RNFT2: variants seen among roughly 807,000 people sequenced by gnomAD.
RNFT2 encodes E3 ubiquitin-protein ligase RNFT2.
RNFT2 carries 36 observed loss-of-function variants against 53.0 expected under a neutral mutation model. That is an observed-to-expected ratio of 0.68 (90% CI 0.52 to 0.90). RNFT2 has a LOEUF of 0.90. Among genes scored for constraint, RNFT2 ranks in the 40% least tolerant of loss-of-function variants. The pLI, the probability that RNFT2 is intolerant of heterozygous loss-of-function variation, is 0.00. For missense variants in RNFT2, 514 were observed against 585.6 expected (o/e 0.88, Z 1.26); for synonymous variants, 260 against 253.2 (o/e 1.03, Z -0.26).
At chr12:116,845,462 G>A (rs1877564035) in intron 10 of RNFT2, among the ~76,000 whole-genome samples, 1 of 151,968 alleles carries the variant, frequency 6.6e-6, no homozygotes, top group Non-Finnish European at 1.5e-5. Flanking sequence ...ATAAAACAGG[G>A]GAGACATGAT....
chr12:116,835,919 T>A, intron 8 of RNFT2, 41 bp from the exon 9 acceptor site: 1 of 1,611,176 alleles, frequency 6.2e-7, no homozygotes, highest in Non-Finnish European at 8.5e-7. Flanking sequence ...TCACGAGTGA[T>A]CCTTGGGTAC....
intron 7 of RNFT2, among the ~76,000 whole-genome samples, chr12:116,797,197 GC>G (rs1190411676): frequency 6.6e-6 from 1 of 152,140 alleles, no homozygotes; most frequent in Non-Finnish European, 1.5e-5. Flanking sequence ...ACTGAACTGT[GC>G]CCCCCAAAAT....
rs1444628749 is a variant in RNFT2 at position 116,750,825 on chromosome 12, ATATAATATATATAT to A, written c.550+523_550+536del. Among the ~76,000 whole-genome samples, 32 of 3,316 alleles carry A rather than the reference ATATAATATATATAT, an allele frequency of 9.7e-3. 1 individual carries two copies. The highest frequency in any genetic ancestry group is 0.033 in the Non-Finnish European group (25 of 768). The allele number at this position is 3,316 out of a possible 152,430, so 2.2% of individuals were successfully genotyped here. On this transcript the variant is annotated intron_variant, in intron 4 of 10. Transcript: ENST00000257575. Reference sequence around the variant, plus strand: ...TATATATATAATATATATATTATATATATAATATATATATTATATATATATAATATATATTATAT... The same window carrying A: ...TATATATATAATATATATATTATATATATATATATATAATATATATTATAT...
rs531541062 is a variant in RNFT2 at position 116,849,555 on chromosome 12, C to G, written c.*107C>G. Reference sequence around the variant, plus strand: ...GGCCTCAAGCACTTACATCCTGCCTCTTGCCCTCCACCACCTCTGACCCCA... The same window carrying G: ...GGCCTCAAGCACTTACATCCTGCCTGTTGCCCTCCACCACCTCTGACCCCA... On this transcript the variant is annotated 3_prime_UTR_variant, in exon 11 of 11. Transcript: ENST00000257575. The G allele has an allele frequency of 6.9e-7, 1 of 1,444,180 alleles. No individual in the cohort carries two copies. Among genetic ancestry groups the G allele is most frequent in the Non-Finnish European group, 9.1e-7 (1 of 1,095,536 alleles). The allele number at this position is 1,444,180 out of a possible 1,614,324, so 89.5% of individuals were successfully genotyped here.
intron 7 of RNFT2, among the ~76,000 whole-genome samples, chr12:116,829,975 G>A (rs1283921827): frequency 6.8e-6 from 1 of 147,924 alleles, no homozygotes; most frequent in Non-Finnish European, 1.5e-5. Flanking sequence ...TTTTTTTTTT[G>A]CATTCTCTAT....
intron 7 of RNFT2, among the ~76,000 whole-genome samples, chr12:116,832,328 C>T (rs1876715261): frequency 6.6e-6 from 1 of 151,828 alleles, no homozygotes. Flanking sequence ...AATATTCTTC[C>T]ATGACTGTCT....
chr12:116,767,933 C>T (rs932632537), intron 6 of RNFT2, among the ~76,000 whole-genome samples: 1 of 152,090 alleles, frequency 6.6e-6, no homozygotes, highest in Non-Finnish European at 1.5e-5. Flanking sequence ...ATATACAGCT[C>T]ATGTCAGTTC....
intron 6 of RNFT2, among the ~76,000 whole-genome samples, chr12:116,773,245 A>C (rs910725840): frequency 2.0e-5 from 3 of 152,206 alleles, no homozygotes; most frequent in Non-Finnish European, 4.4e-5. Flanking sequence ...TACAGGCGTG[A>C]GCCACCATGC....
At chr12:116,809,854 T>G (rs1465491644) in intron 7 of RNFT2, among the ~76,000 whole-genome samples, 3 of 152,022 alleles carry the variant, frequency 2.0e-5, no homozygotes, top group Non-Finnish European at 4.4e-5. Flanking sequence ...TTGTATTTTT[T>G]AGTAAAGACA....
At chr12:116,768,824 A>G (rs1276355642) in intron 6 of RNFT2, among the ~76,000 whole-genome samples, 1 of 149,128 alleles carries the variant, frequency 6.7e-6, no homozygotes, top group Non-Finnish European at 1.5e-5. Flanking sequence ...TCCGCCTCCC[A>G]GGTTCAAGTG....
At chr12:116,745,813 T>C (rs1871865477) in intron 3 of RNFT2, among the ~76,000 whole-genome samples, 1 of 152,212 alleles carries the variant, frequency 6.6e-6, no homozygotes, top group Admixed American at 6.5e-5. Context: ...TTAAGCATGT[T>C]CTGAGTGCCA....
At chr12:116,806,653 G>A (rs1276011915) in intron 7 of RNFT2, among the ~76,000 whole-genome samples, 1 of 151,204 alleles carries the variant, frequency 6.6e-6, no homozygotes, top group Admixed American at 6.6e-5. Flanking sequence ...TCGGGAGACT[G>A]AGGATCCCTT....
chr12:116,784,119 C>T (rs1027920198), intron 7 of RNFT2, among the ~76,000 whole-genome samples: 1 of 152,212 alleles, frequency 6.6e-6, no homozygotes, highest in African/African-American at 2.4e-5. Flanking sequence ...TGAGTCTGAG[C>T]TCTTAATCTG....
chr12:116,837,643 TA>T (rs1346877550), intron 10 of RNFT2, among the ~76,000 whole-genome samples: 1 of 152,082 alleles, frequency 6.6e-6, no homozygotes, highest in Non-Finnish European at 1.5e-5. Flanking sequence ...AAAAGAAGAC[TA>T]AAGAGACATG....
intron 5 of RNFT2, among the ~76,000 whole-genome samples, chr12:116,762,978 A>C (rs187905912): frequency 7.4e-4 from 113 of 152,222 alleles, no homozygotes; most frequent in African/African-American, 2.6e-3. Flanking sequence ...GCTACTCAGG[A>C]GGCTGAAGCA....
intron 3 of RNFT2, among the ~76,000 whole-genome samples, chr12:116,742,882 A>C (rs1871678491): frequency 6.6e-6 from 1 of 151,998 alleles, no homozygotes. Flanking sequence ...CAGAAGTTTG[A>C]GATCAGCCTG....
intron 8 of RNFT2, 147 bp downstream of exon 8, chr12:116,834,088 A>G (rs1006842379): frequency 1.8e-6 from 1 of 556,870 alleles, no homozygotes; most frequent in Non-Finnish European, 2.8e-6. Flanking sequence ...ACGACATGAA[A>G]TTAACCACTA....
chr12:116,811,130 A>G (rs934665653), intron 7 of RNFT2, among the ~76,000 whole-genome samples: 10 of 152,064 alleles, frequency 6.6e-5, no homozygotes, highest in Non-Finnish European at 1.5e-4. Context: ...ATGATGGCTC[A>G]CGCTACTCGG....
chr12:116,836,522 C>T (rs572103845), intron 10 of RNFT2, among the ~76,000 whole-genome samples: 13 of 152,226 alleles, frequency 8.5e-5, no homozygotes, highest in East Asian at 3.9e-4. Context: ...TGCCAAATTC[C>T]GTATGGTGTA....
Sources: allele counts gnomAD v4.1 joint callset (sites outside exome capture counted in the v4.1 genomes callset), GRCh38; gene constraint gnomAD v4.1.1; transcripts MANE v1.5; gene names NCBI Gene and HGNC (gene_info 2026-07-23, HGNC 2026-07-21).